The following CETN1 variants were observed in gnomAD, a reference collection of about 807,000 sequenced individuals.
CETN1 encodes centrin 1.
Under a neutral mutation model 8.1 loss-of-function variants are expected in CETN1, and 6 were observed. The observed-to-expected ratio is 0.74, with a 90% CI of 0.40 to 1.46. The LOEUF is 1.46. Ranked by LOEUF, CETN1 falls within the 40% of genes most tolerant of loss-of-function variation. The pLI is 0.02. For missense variants in CETN1, 215 were observed against 226.2 expected (o/e 0.95, Z 0.32); for synonymous variants, 99 against 90.3 (o/e 1.10, Z -0.55).
rs2072542902 is a variant in CETN1 at position 580,440 on chromosome 18, C to A, written c.32C>A (p.Ala11Asp). 3.1e-6 allele frequency: 5 copies of A among 1,592,990 alleles called. No homozygotes were observed. The highest frequency in any genetic ancestry group is 1.8e-5 in the Admixed American group (1 of 56,584). MASGFKKPSA[A>D]STGQKRKVAP... ...TCCGGCTTCAAGAAGCCCAGCGCTG[C>A]CTCCACCGGCCAAAAGAGAAAGGTG... The change falls in exon 1 of 1, where the codon GCC becomes GAC. Residue 11 changes from alanine (A) to aspartate (D), a missense_variant. Ala to Asp is a moderately radical substitution (Grantham distance 126, BLOSUM62 -2). Coordinates refer to ENST00000327228, the MANE Select transcript of CETN1 (RefSeq NM_004066.3). This position sits in a 1 kb window ranked among gnomAD's most constrained non-coding sequence, Gnocchi z 6.1.
At position 581,492 on chromosome 18, in the gene CETN1, T is replaced by A. The variant is rs1202873832; in HGVS notation, c.*565T>A. The A allele has an allele frequency of 6.0e-6, 1 of 167,598 alleles. No homozygotes were observed. The highest frequency in any genetic ancestry group is 1.9e-4 in the East Asian group (1 of 5,198). The allele number at this position is 167,598 out of a possible 1,614,324, so 10.4% of individuals were successfully genotyped here. On this transcript the variant is annotated 3_prime_UTR_variant, in exon 1 of 1. Coordinates refer to ENST00000327228, the MANE Select transcript of CETN1 (RefSeq NM_004066.3). ...CTTGGGTGGTAGTACGTTGTGCAAT[T>A]TTGACTATTCACTGGCTTTATACCT...
rs775593048 is a variant in CETN1, at chr18:580,797, C to T, written c.389C>T (p.Ala130Val). The T allele has an allele frequency of 6.8e-6, 11 of 1,613,908 alleles. No homozygotes were observed. The highest frequency in any genetic ancestry group is 2.2e-5 in the South Asian group (2 of 91,064). Residue 130 changes from alanine to valine, a missense_variant, in exon 1 of 1, where the codon GCC becomes GTC. Ala to Val is a moderately conservative substitution (Grantham distance 64). Coordinates refer to ENST00000327228, the MANE Select transcript of CETN1 (RefSeq NM_004066.3). The surrounding 1 kb of genome is among the most constrained non-coding windows in gnomAD (Gnocchi z 6.1). ...TCGTTCAAAAACCTGAAGCGTGTGG[C>T]CAACGAGCTGGGGGAGAACCTCACG... Reference protein sequence around the residue: ...KISFKNLKRVANELGENLTDE... With the variant: ...KISFKNLKRVVNELGENLTDE...
In CETN1 at chr18:580,859, C is replaced by A. The variant is rs1478884892; in HGVS notation, c.451C>A (p.Arg151=). The change falls in exon 1 of 1, where the codon CGG becomes AGG. Residue 151 remains arginine, a synonymous_variant. Transcript: ENST00000327228. This position sits in a 1 kb window ranked among gnomAD's most constrained non-coding sequence, Gnocchi z 6.1. ...GCAGGAGATGATCGACGAAGCTGAT[C>A]GGGATGGGGACGGCGAAGTGAACGA... ...ELQEMIDEAD[R]DGDGEVNEEE... 1 of 1,613,968 alleles carries A rather than the reference C, an allele frequency of 6.2e-7. No homozygotes were observed. Among genetic ancestry groups the A allele is most frequent in the Non-Finnish European group, 8.5e-7 (1 of 1,179,996 alleles).
rs1039205742 is a variant in CETN1 at position 581,137 on chromosome 18, A to G, written c.*210A>G. On this transcript the variant is annotated 3_prime_UTR_variant, in exon 1 of 1. Transcript: ENST00000327228. ...ATTCTCAAGAGTCAACCTGGAGCAC[A>G]TGAGGTTAAACAAAGGGCCCTGAAG... 7 of 590,364 alleles carry G rather than the reference A, an allele frequency of 1.2e-5. No homozygotes were observed. The African/African-American group carries it at 1.3e-4, about 11-fold the overall frequency. The allele number at this position is 590,364 out of a possible 1,614,324, so 36.6% of individuals were successfully genotyped here.
chr18:580,623 T>C lies in CETN1; in HGVS notation c.215T>C (p.Met72Thr), dbSNP rs61734344. 0.14 allele frequency: 230,362 copies of C among 1,613,676 alleles called. 17,294 individuals carry two copies. Among genetic ancestry groups the C allele is most frequent in the African/African-American group, 0.21 (16,054 of 74,886 alleles). Residue 72 changes from methionine to threonine, a missense_variant, in exon 1 of 1, where the codon ATG (methionine) becomes ACG (threonine). Coordinates refer to ENST00000327228, the MANE Select transcript of CETN1 (RefSeq NM_004066.3). This position sits in a 1 kb window ranked among gnomAD's most constrained non-coding sequence, Gnocchi z 6.1. ...CCCAGGAAGGAAGAGATGAAGAAAA[T>C]GATCTCCGAGGTGGACAGGGAAGGC... is the stretch of plus-strand genomic sequence containing the variant. ...FEPRKEEMKK[M>T]ISEVDREGTG...
rs747670096 is a variant in CETN1 at position 580,684 on chromosome 18, G to T, written c.276G>T (p.Val92=). Residue 92 remains valine (V), a synonymous_variant, in exon 1 of 1, where the codon GTG becomes GTT. Coordinates refer to ENST00000327228, the MANE Select transcript of CETN1 (RefSeq NM_004066.3). This position sits in a 1 kb window ranked among gnomAD's most constrained non-coding sequence, Gnocchi z 6.1. ...TCAGCTTCAATGACTTCCTGGCCGT[G>T]ATGACGCAGAAGATGTCCGAGAAGG... ...GKISFNDFLA[V]MTQKMSEKDT... The T allele has an allele frequency of 1.9e-6, 3 of 1,613,830 alleles. No individual in the cohort carries two copies. Among genetic ancestry groups the T allele is most frequent in the Admixed American group, 1.7e-5 (1 of 60,010 alleles).
rs564155089 is a variant in CETN1, at chr18:581,133, G to A, written c.*206G>A. 3.3e-6 allele frequency: 2 copies of A among 602,460 alleles called. No individual in the cohort carries two copies. Among genetic ancestry groups the A allele is most frequent in the South Asian group, 4.6e-5 (2 of 43,518 alleles). 37.3% of individuals were successfully genotyped at this position (602,460 alleles called of 1,614,324 possible). ...TTTAATTCTCAAGAGTCAACCTGGA[G>A]CACATGAGGTTAAACAAAGGGCCCT... On this transcript the variant is annotated 3_prime_UTR_variant, in exon 1 of 1. Transcript: ENST00000327228.
rs543353743 is a variant in CETN1, at chr18:581,343, T to C, written c.*416T>C. 2.3e-4 allele frequency: 42 copies of C among 179,158 alleles called. No individual in the cohort carries two copies. The East Asian group carries it at 6.9e-3, about 29-fold the overall frequency. 11.1% of individuals were successfully genotyped at this position (179,158 alleles called of 1,614,324 possible). On this transcript the variant is annotated 3_prime_UTR_variant, in exon 1 of 1. Coordinates refer to ENST00000327228, the MANE Select transcript of CETN1 (RefSeq NM_004066.3). ...CAGTCATTGTTCCAGCATAATGAGA[T>C]GGAATCTGCCAGTAGATTTGCCTAG... is the stretch of plus-strand genomic sequence containing the variant.
At position 581,029 on chromosome 18, in the gene CETN1, C is replaced by T; in HGVS notation, c.*102C>T. 2 of 1,204,960 alleles carry T rather than the reference C, an allele frequency of 1.7e-6. No individual in the cohort carries two copies. The highest frequency in any genetic ancestry group is 3.0e-5 in the African/African-American group (2 of 65,788). 74.6% of individuals were successfully genotyped at this position (1,204,960 alleles called of 1,614,324 possible). A position where few individuals can be genotyped will look rare whatever the true frequency, so the allele number is the denominator to read the frequency against. On this transcript the variant is annotated 3_prime_UTR_variant, in exon 1 of 1. Coordinates refer to ENST00000327228, the MANE Select transcript of CETN1 (RefSeq NM_004066.3). Reference sequence around the variant, plus strand: ...TGTCCCTTCTTCACCCCCTCACCCCCATAATTTGTCTAGATCTATTTCCAT... The same window carrying T: ...TGTCCCTTCTTCACCCCCTCACCCCTATAATTTGTCTAGATCTATTTCCAT...
chr18:581,069 A>G lies in CETN1; in HGVS notation c.*142A>G. On this transcript the variant is annotated 3_prime_UTR_variant, in exon 1 of 1. Transcript: ENST00000327228. The stretch of plus-strand genomic sequence containing the variant: ...TCTATTTCCATATCTCTAGTTCAAT[A>G]ATAGAATTTGAAAGATGCTTGTAAT... 1 of 876,580 alleles carries G rather than the reference A, an allele frequency of 1.1e-6. No homozygotes were observed. The highest frequency in any genetic ancestry group is 1.7e-6 in the Non-Finnish European group (1 of 577,320). The allele number at this position is 876,580 out of a possible 1,614,324, so 54.3% of individuals were successfully genotyped here.
rs547534764 is a variant in CETN1 at position 580,791 on chromosome 18, G to T, written c.383G>T (p.Arg128Leu). ...AAGATCTCGTTCAAAAACCTGAAGCGTGTGGCCAACGAGCTGGGGGAGAAC... is the reference window on the plus strand; with the variant it reads ...AAGATCTCGTTCAAAAACCTGAAGCTTGTGGCCAACGAGCTGGGGGAGAAC... ...TGKISFKNLK[R>L]VANELGENLT... The change falls in exon 1 of 1, where the codon CGT becomes CTT. Residue 128 changes from arginine to leucine, a missense_variant. Coordinates refer to ENST00000327228, the MANE Select transcript of CETN1 (RefSeq NM_004066.3). This position sits in a 1 kb window ranked among gnomAD's most constrained non-coding sequence, Gnocchi z 6.1. 1 of 1,614,014 alleles carries T rather than the reference G, an allele frequency of 6.2e-7. No individual in the cohort carries two copies. The highest frequency in any genetic ancestry group is 8.5e-7 in the Non-Finnish European group (1 of 1,179,998).
Position 581,159 on chromosome 18 carries a change from G to A in CETN1, c.*232G>A, listed in dbSNP as rs1472248294. On this transcript the variant is annotated 3_prime_UTR_variant, in exon 1 of 1. Coordinates refer to ENST00000327228, the MANE Select transcript of CETN1 (RefSeq NM_004066.3). Reference sequence around the variant, plus strand: ...CACATGAGGTTAAACAAAGGGCCCTGAAGTTTGAGTGCGCCCTCCATTTGC... The same window carrying A: ...CACATGAGGTTAAACAAAGGGCCCTAAAGTTTGAGTGCGCCCTCCATTTGC... 2 of 511,988 alleles carry A rather than the reference G, an allele frequency of 3.9e-6. No homozygotes were observed. Among genetic ancestry groups the A allele is most frequent in the Non-Finnish European group, 7.0e-6 (2 of 285,206 alleles). 31.7% of individuals were successfully genotyped at this position (511,988 alleles called of 1,614,324 possible).
rs113711943 is a variant in CETN1, at chr18:581,363, G to C, written c.*436G>C. 4,871 of 175,506 alleles carry C rather than the reference G, an allele frequency of 0.028. 234 individuals carry two copies. Among genetic ancestry groups the C allele is most frequent in the African/African-American group, 0.11 (4,545 of 41,592 alleles). The allele number at this position is 175,506 out of a possible 1,614,324, so 10.9% of individuals were successfully genotyped here. On this transcript the variant is annotated 3_prime_UTR_variant, in exon 1 of 1. Transcript: ENST00000327228. ...TGAGATGGAATCTGCCAGTAGATTT[G>C]CCTAGCCTGTCCACTTAGCTGAATA...
chr18:580,821 C>A lies in CETN1; in HGVS notation c.413C>A (p.Thr138Lys), dbSNP rs1442372102. ...GCCAACGAGCTGGGGGAGAACCTCACGGATGAGGAGCTGCAGGAGATGATC... is the reference window on the plus strand; with the variant it reads ...GCCAACGAGCTGGGGGAGAACCTCAAGGATGAGGAGCTGCAGGAGATGATC... ...RVANELGENL[T>K]DEELQEMIDE... The change falls in exon 1 of 1, where the codon ACG becomes AAG. Residue 138 changes from threonine (T) to lysine (K), a missense_variant. Transcript: ENST00000327228. This position sits in a 1 kb window ranked among gnomAD's most constrained non-coding sequence, Gnocchi z 6.1. 1.2e-6 allele frequency: 2 copies of A among 1,613,900 alleles called. No homozygotes were observed. Among genetic ancestry groups the A allele is most frequent in the African/African-American group, 2.7e-5 (2 of 74,872 alleles).
Position 581,196 on chromosome 18 carries a change from CTTG to C in CETN1, c.*270_*272del. 1 of 323,994 alleles carries C rather than the reference CTTG, an allele frequency of 3.1e-6. No individual in the cohort carries two copies. Among genetic ancestry groups the C allele is most frequent in the Non-Finnish European group, 5.6e-6 (1 of 177,078 alleles). The allele number at this position is 323,994 out of a possible 1,614,324, so 20.1% of individuals were successfully genotyped here. The stretch of plus-strand genomic sequence containing the variant: ...CGCCCTCCATTTGCCCTGTGCTGAA[CTTG>C]CTGTTCATCTGTTGATCTGGAGGCA... On this transcript the variant is annotated 3_prime_UTR_variant, in exon 1 of 1. Transcript: ENST00000327228.
Position 582,051 on chromosome 18 carries a change from AT to A in CETN1, c.*1125del, listed in dbSNP as rs2072552904. On this transcript the variant is annotated 3_prime_UTR_variant, in exon 1 of 1. Coordinates refer to ENST00000327228, the MANE Select transcript of CETN1 (RefSeq NM_004066.3). ...ATATCATCATTTTGCATAGCTACAA[AT>A]CTGAAGTTAAAGAAAATTTTAAAAA... The A allele has an allele frequency of 6.0e-6, 1 of 165,314 alleles. No homozygotes were observed. The highest frequency in any genetic ancestry group is 1.9e-4 in the East Asian group (1 of 5,210). 10.2% of individuals were successfully genotyped at this position (165,314 alleles called of 1,614,324 possible). A position where few individuals can be genotyped will look rare whatever the true frequency, so the allele number is the denominator to read the frequency against.
rs114933134 is a variant in CETN1 at position 580,853 on chromosome 18, G to A, written c.445G>A (p.Ala149Thr). ...DEELQEMIDEADRDGDGEVNE... is the reference protein window; with the variant it reads ...DEELQEMIDETDRDGDGEVNE... ...GGAGCTGCAGGAGATGATCGACGAAGCTGATCGGGATGGGGACGGCGAAGT... is the reference window on the plus strand; with the variant it reads ...GGAGCTGCAGGAGATGATCGACGAAACTGATCGGGATGGGGACGGCGAAGT... The change falls in exon 1 of 1, where the codon GCT becomes ACT. Residue 149 changes from alanine to threonine, a missense_variant. Transcript: ENST00000327228. The surrounding 1 kb of genome is among the most constrained non-coding windows in gnomAD (Gnocchi z 6.1). 1.7e-4 allele frequency: 268 copies of A among 1,614,128 alleles called. 4 individuals are homozygous for A. In the East Asian group the frequency reaches 5.3e-3, roughly 32 times the overall value.
rs1287995768 is a variant in CETN1, at chr18:580,614, TGAA to T, written c.210_212del (p.Lys71del). Reference sequence around the variant, plus strand: ...GGCTTCGAACCCAGGAAGGAAGAGATGAAGAAAATGATCTCCGAGGTGGACAGG... The same window carrying T: ...GGCTTCGAACCCAGGAAGGAAGAGATGAAAATGATCTCCGAGGTGGACAGG... On this transcript the variant is annotated inframe_deletion, in exon 1 of 1. Coordinates refer to ENST00000327228, the MANE Select transcript of CETN1 (RefSeq NM_004066.3). This position sits in a 1 kb window ranked among gnomAD's most constrained non-coding sequence, Gnocchi z 6.1. 3.1e-6 allele frequency: 5 copies of T among 1,613,822 alleles called. No individual in the cohort carries two copies. The highest frequency in any genetic ancestry group is 4.2e-6 in the Non-Finnish European group (5 of 1,179,960).
Position 580,849 on chromosome 18 carries a change from C to G in CETN1, c.441C>G (p.Asp147Glu), listed in dbSNP as rs1054408089. ...LTDEELQEMIDEADRDGDGEV... is the reference protein window; with the variant it reads ...LTDEELQEMIEEADRDGDGEV... ...ATGAGGAGCTGCAGGAGATGATCGA[C>G]GAAGCTGATCGGGATGGGGACGGCG... Residue 147 changes from aspartate to glutamate, a missense_variant, in exon 1 of 1, where the codon GAC (aspartate) becomes GAG (glutamate). Physicochemically the swap from Asp to Glu is conservative, Grantham distance 45. Coordinates refer to ENST00000327228, the MANE Select transcript of CETN1 (RefSeq NM_004066.3). This position sits in a 1 kb window ranked among gnomAD's most constrained non-coding sequence, Gnocchi z 6.1. 1.2e-6 allele frequency: 2 copies of G among 1,614,026 alleles called. No homozygotes were observed. The highest frequency in any genetic ancestry group is 2.2e-5 in the East Asian group (1 of 44,864).
Sources: allele counts gnomAD v4.1 joint callset, GRCh38; gene constraint gnomAD v4.1.1; non-coding constraint Gnocchi (gnomAD v3.1); transcripts MANE v1.5; gene names NCBI Gene and HGNC (gene_info 2026-07-23, HGNC 2026-07-21).